GALNT10: variants seen among roughly 807,000 people sequenced by gnomAD.
The protein encoded by GALNT10 is polypeptide N-acetylgalactosaminyltransferase 10.
A neutral mutation model predicts 75.0 loss-of-function variants in GALNT10; 41 were observed. The ratio of observed to expected loss-of-function variants is 0.55; its 90% confidence interval spans 0.43 to 0.71. The LOEUF is 0.71. GALNT10 is among the 30% of genes least tolerant of loss of function. GALNT10 has a pLI of 0.00. For missense variants in GALNT10, 727 were observed against 818.5 expected (o/e 0.89, Z 1.36); for synonymous variants, 302 against 313.0 (o/e 0.96, Z 0.37).
At chr5:154,200,078 GGCGA>G (rs1280103383) in intron 1 of GALNT10, among the ~76,000 whole-genome samples, 1 of 152,172 alleles carries the variant, frequency 6.6e-6, no homozygotes, top group Non-Finnish European at 1.5e-5. Flanking sequence ...GATGGTCTGG[GGCGA>G]GTCTGTGGGT....
intron 1 of GALNT10, among the ~76,000 whole-genome samples, chr5:154,218,725 G>C (rs1160588964): frequency 6.6e-6 from 1 of 151,984 alleles, no homozygotes; most frequent in Non-Finnish European, 1.5e-5. Flanking sequence ...AGACAGAATT[G>C]GGGGGAGAGG....
intron 1 of GALNT10, among the ~76,000 whole-genome samples, chr5:154,252,549 AT>A (rs963101462): frequency 1.3e-5 from 2 of 150,424 alleles, no homozygotes; most frequent in Non-Finnish European, 3.0e-5. Context: ...GTGATAATCT[AT>A]TTTTTTTTCC....
chr5:154,264,564 A>G (rs1561644582), intron 1 of GALNT10, among the ~76,000 whole-genome samples: 1 of 152,180 alleles, frequency 6.6e-6, no homozygotes, highest in Non-Finnish European at 1.5e-5. Context: ...TAAAATATTA[A>G]CAATCGGTAA....
intron 1 of GALNT10, among the ~76,000 whole-genome samples, chr5:154,209,198 C>T (rs79348866): frequency 0.033 from 5,013 of 152,308 alleles, 101 homozygotes; most frequent in Middle Eastern, 0.13. Context: ...AGGCCATGCA[C>T]GCTGCAGGAG....
At chr5:154,243,733 T>C (rs1437381641) in intron 1 of GALNT10, among the ~76,000 whole-genome samples, 1 of 152,248 alleles carries the variant, frequency 6.6e-6, no homozygotes, top group Non-Finnish European at 1.5e-5. Flanking sequence ...GTTATTATTA[T>C]GTTCTTTCAA....
Position 154,298,209 on chromosome 5 carries a change from C to A in GALNT10, c.401+130C>A. On this transcript the variant is annotated intron_variant, in intron 3 of 11. Transcript: ENST00000297107. The surrounding 1 kb of genome is among the most constrained non-coding windows in gnomAD (Gnocchi z 4.1). ...CCCTCCTCTTTCACAGGCATTTGTG[C>A]AAAGGTTCATGGTGTTGAGGGGTAG... The A allele has an allele frequency of 1.2e-6, 1 of 823,794 alleles. No homozygotes were observed. Among genetic ancestry groups the A allele is most frequent in the Non-Finnish European group, 2.0e-6 (1 of 503,636 alleles). 51.0% of individuals were successfully genotyped at this position (823,794 alleles called of 1,614,324 possible).
intron 1 of GALNT10, among the ~76,000 whole-genome samples, chr5:154,208,067 A>C (rs900674520): frequency 6.6e-6 from 1 of 152,152 alleles, no homozygotes; most frequent in African/African-American, 2.4e-5. Context: ...ACAGGTCCTG[A>C]CCTGGAAGGC....
At chr5:154,305,796 T>A (rs1310005236) in intron 3 of GALNT10, among the ~76,000 whole-genome samples, 1 of 152,102 alleles carries the variant, frequency 6.6e-6, no homozygotes, top group Non-Finnish European at 1.5e-5. Context: ...GGAGGGCGGA[T>A]CACCTGAGGT....
chr5:154,311,850 G>T (rs1754524589), intron 3 of GALNT10, among the ~76,000 whole-genome samples: 1 of 152,016 alleles, frequency 6.6e-6, no homozygotes, highest in Non-Finnish European at 1.5e-5. Flanking sequence ...GCCTTGAGTT[G>T]ATCTGCCCAC....
At chr5:154,405,123 G>A (rs922922382) in intron 8 of GALNT10, among the ~76,000 whole-genome samples, 6 of 152,208 alleles carry the variant, frequency 3.9e-5, no homozygotes, top group African/African-American at 1.2e-4. Flanking sequence ...CCCCGCCCCG[G>A]CCAGGAGACC....
At chr5:154,373,257 C>G (rs574241688) in intron 4 of GALNT10, among the ~76,000 whole-genome samples, 75 of 152,302 alleles carry the variant, frequency 4.9e-4, no homozygotes, top group African/African-American at 1.8e-3. Flanking sequence ...CTGGAAAAAG[C>G]TCTGAGCTAG....
At position 154,403,897 on chromosome 5, in the gene GALNT10, T is replaced by C. The variant is rs569299969; in HGVS notation, c.1057-207T>C. The C allele has an allele frequency of 1.4e-4, 91 of 639,078 alleles. No homozygotes were observed. The African/African-American group carries it at 1.5e-3, about 10-fold the overall frequency. 39.6% of individuals were successfully genotyped at this position (639,078 alleles called of 1,614,324 possible). ...CATGTGACCATCTTAGCATAGTGTGTGGCAATGGTAAGCACTCAGTGCTGT... is the reference window on the plus strand; with the variant it reads ...CATGTGACCATCTTAGCATAGTGTGCGGCAATGGTAAGCACTCAGTGCTGT... On this transcript the variant is annotated intron_variant, in intron 7 of 11. Coordinates refer to ENST00000297107, the MANE Select transcript of GALNT10 (RefSeq NM_198321.4).
chr5:154,228,388 C>T (rs763280782), intron 1 of GALNT10, among the ~76,000 whole-genome samples: 3 of 152,146 alleles, frequency 2.0e-5, no homozygotes, highest in Non-Finnish European at 4.4e-5. Flanking sequence ...CCCATATATG[C>T]ATATGTATAT....
chr5:154,329,804 C>A, intron 4 of GALNT10, 66 bp downstream of exon 4: 1 of 1,163,552 alleles, frequency 8.6e-7, no homozygotes, highest in Non-Finnish European at 1.3e-6. Flanking sequence ...AAAGGGATGG[C>A]AGGTTTTCCC....
rs565739920 is a variant in GALNT10 at position 154,396,234 on chromosome 5, G to A, written c.1057-7870G>A. Among the ~76,000 whole-genome samples the A allele has an allele frequency of 4.1e-4, 48 of 116,012 alleles. No homozygotes were observed. In the South Asian group the frequency reaches 0.011, roughly 27 times the overall value. 76.1% of individuals were successfully genotyped at this position (116,012 alleles called of 152,430 possible). ...AATGAATGAATGAATGAATGAATTAGGTAATTAATGTTTGTTTGGGGTTTC... is the reference window on the plus strand; with the variant it reads ...AATGAATGAATGAATGAATGAATTAAGTAATTAATGTTTGTTTGGGGTTTC... On this transcript the variant is annotated intron_variant, in intron 7 of 11. Transcript: ENST00000297107.
rs566268290 is a variant in GALNT10 at position 154,200,383 on chromosome 5, C to T, written c.159+9358C>T. On this transcript the variant is annotated intron_variant, in intron 1 of 11. Transcript: ENST00000297107. The stretch of plus-strand genomic sequence containing the variant: ...GAGGCGGGCTGCTGAGCAGAGGGGC[C>T]GACAGGGGCTCCTGGAGGGAAGGGG... 3.3e-5 allele frequency among the ~76,000 whole-genome samples: 5 copies of T among 152,216 alleles called. No homozygotes were observed. The South Asian group carries it at 8.3e-4, about 25-fold the overall frequency.
chr5:154,265,025 A>G (rs983955848), intron 1 of GALNT10, among the ~76,000 whole-genome samples: 6 of 152,272 alleles, frequency 3.9e-5, no homozygotes, highest in African/African-American at 1.4e-4. Context: ...AGTTAGGCTG[A>G]CTTTCTTTAC....
chr5:154,211,579 C>T (rs1290189173), intron 1 of GALNT10, among the ~76,000 whole-genome samples: 1 of 152,142 alleles, frequency 6.6e-6, no homozygotes, highest in Admixed American at 6.5e-5. Flanking sequence ...AATGTGGTAG[C>T]GTAACACAAC....
At chr5:154,209,117 C>T (rs974768098) in intron 1 of GALNT10, among the ~76,000 whole-genome samples, 8 of 152,154 alleles carry the variant, frequency 5.3e-5, no homozygotes, top group South Asian at 2.1e-4. Context: ...CGCTGGATGC[C>T]GGTGATTGCT....
Sources: allele counts gnomAD v4.1 joint callset (sites outside exome capture counted in the v4.1 genomes callset), GRCh38; gene constraint gnomAD v4.1.1; non-coding constraint Gnocchi (gnomAD v3.1); transcripts MANE v1.5; gene names NCBI Gene and HGNC (gene_info 2026-07-23, HGNC 2026-07-21).